The following SMOC1 variants were observed in gnomAD, a reference collection of about 807,000 sequenced individuals.
The protein encoded by SMOC1 is SPARC related modular calcium binding 1.
Under a neutral mutation model 56.3 loss-of-function variants are expected in SMOC1, and 22 were observed. That is an observed-to-expected ratio of 0.39 (90% CI 0.28 to 0.56). The LOEUF is 0.56. Ranked by LOEUF, SMOC1 falls within the 20% of genes least tolerant of loss-of-function variation. The pLI is 0.61. For missense variants in SMOC1, 509 were observed against 565.4 expected (o/e 0.90, Z 1.01); for synonymous variants, 193 against 215.0 (o/e 0.90, Z 0.89).
intron 7 of SMOC1, 116 bp from the exon 8 acceptor site, chr14:70,010,638 A>T (rs184024656): frequency 9.3e-7 from 1 of 1,075,350 alleles, no homozygotes; most frequent in East Asian, 2.4e-5. Context: ...GGGGCAGCTC[A>T]TCAGTTCCTG....
intron 5 of SMOC1, among the ~76,000 whole-genome samples, chr14:69,986,964 A>G (rs576357570): frequency 2.0e-5 from 3 of 152,318 alleles, no homozygotes; most frequent in East Asian, 3.9e-4. Context: ...GTCATGGCGC[A>G]TGCATCTCAG....
At chr14:69,929,631 G>T (rs1015782170) in intron 1 of SMOC1, among the ~76,000 whole-genome samples, 6 of 152,150 alleles carry the variant, frequency 3.9e-5, no homozygotes, top group Non-Finnish European at 7.3e-5. Flanking sequence ...GAAGCCTGGG[G>T]CTCAGGGAAG....
At chr14:69,975,873 C>T (rs955540481) in intron 4 of SMOC1, 59 bp downstream of exon 4, 2 of 1,224,928 alleles carry the variant, frequency 1.6e-6, no homozygotes, top group African/African-American at 3.0e-5. Flanking sequence ...GTTGGTTGGT[C>T]TCCTGCATCT....
chr14:69,966,073 G>T (rs1366258631), intron 3 of SMOC1, among the ~76,000 whole-genome samples: 1 of 152,140 alleles, frequency 6.6e-6, no homozygotes, highest in Non-Finnish European at 1.5e-5. Context: ...CACTCCTGCA[G>T]GCCACTTTTG....
chr14:69,890,321 A>C (rs1883926348), intron 1 of SMOC1, among the ~76,000 whole-genome samples: 1 of 152,214 alleles, frequency 6.6e-6, no homozygotes, highest in South Asian at 2.1e-4. Flanking sequence ...GATATATTGG[A>C]TAGTAAAAAG....
Position 69,952,218 on chromosome 14 carries a change from C to A in SMOC1, c.180C>A (p.Gly60=), listed in dbSNP as rs1284147357. The change falls in exon 2 of 12, where the codon GGC becomes GGA. Residue 60 remains glycine (G), a synonymous_variant. Coordinates refer to ENST00000361956, the MANE Select transcript of SMOC1 (RefSeq NM_001034852.3). ...CCAAACCCATCTGTGCCTCTGATGGCAGGTCCTACGAGTCCATGTGTGAGT... is the reference window on the plus strand; with the variant it reads ...CCAAACCCATCTGTGCCTCTGATGGAAGGTCCTACGAGTCCATGTGTGAGT... ...TQPKPICASD[G]RSYESMCEYQ... is the part of the protein sequence containing the mutation. 1 of 1,614,046 alleles carries A rather than the reference C, an allele frequency of 6.2e-7. No homozygotes were observed.
intron 5 of SMOC1, among the ~76,000 whole-genome samples, chr14:69,980,560 C>A (rs2139514465): frequency 6.6e-6 from 1 of 152,326 alleles, no homozygotes; most frequent in South Asian, 2.1e-4. Flanking sequence ...TGAAGCCACA[C>A]CTGTCCAGGA....
chr14:69,891,821 T>G (rs1883970394), intron 1 of SMOC1, among the ~76,000 whole-genome samples: 1 of 152,196 alleles, frequency 6.6e-6, no homozygotes. Flanking sequence ...AATTGGAATT[T>G]CAGATAAACG....
At chr14:69,900,693 A>C (rs532670560) in intron 1 of SMOC1, among the ~76,000 whole-genome samples, 1 of 152,302 alleles carries the variant, frequency 6.6e-6, no homozygotes, top group East Asian at 1.9e-4. Context: ...GTGTCAAGAA[A>C]ACAAACATGT....
intron 5 of SMOC1, among the ~76,000 whole-genome samples, chr14:69,980,405 C>T (rs905254233): frequency 1.3e-5 from 2 of 152,162 alleles, no homozygotes; most frequent in African/African-American, 4.8e-5. Context: ...AGGACTCATT[C>T]TCCCCTGGAG....
chr14:69,887,526 A>T (rs1258958849), intron 1 of SMOC1, among the ~76,000 whole-genome samples: 1 of 152,204 alleles, frequency 6.6e-6, no homozygotes, highest in Non-Finnish European at 1.5e-5. Flanking sequence ...TGAGCCAAAG[A>T]TTAAAATTAA....
chr14:70,023,890 C>T (rs1397008387), intron 11 of SMOC1, among the ~76,000 whole-genome samples: 4 of 151,762 alleles, frequency 2.6e-5, no homozygotes, highest in Non-Finnish European at 5.9e-5. Context: ...TTGCTCTATG[C>T]AGTCACTCTG....
chr14:69,885,223 T>G, intron 1 of SMOC1: 1 of 656,964 alleles, frequency 1.5e-6, no homozygotes, highest in Non-Finnish European at 2.5e-6. Context: ...CTACAGAGCA[T>G]TCTTTTTGCT....
intron 5 of SMOC1, among the ~76,000 whole-genome samples, chr14:69,981,482 C>T (rs1884174588): frequency 6.6e-6 from 1 of 152,162 alleles, no homozygotes; most frequent in African/African-American, 2.4e-5. Context: ...GCCCCCTCCC[C>T]TTCTTCTCCT....
At chr14:69,937,106 T>C (rs1044976816) in intron 1 of SMOC1, among the ~76,000 whole-genome samples, 9 of 152,206 alleles carry the variant, frequency 5.9e-5, no homozygotes, top group Admixed American at 4.6e-4. Context: ...CAGAAAAGCC[T>C]GTGGAGTTCC....
chr14:70,020,359 T>G (rs182548013), intron 10 of SMOC1, among the ~76,000 whole-genome samples: 1 of 152,116 alleles, frequency 6.6e-6, no homozygotes, highest in Non-Finnish European at 1.5e-5. Flanking sequence ...CTGGCCAAAG[T>G]GTTGGATTCC....
intron 1 of SMOC1, among the ~76,000 whole-genome samples, chr14:69,906,330 A>G (rs1337921296): frequency 1.3e-5 from 2 of 152,216 alleles, no homozygotes; most frequent in Non-Finnish European, 2.9e-5. Context: ...CTGAGCCACT[A>G]TGTAAGAATC....
chr14:69,989,738 C>T (rs1884495690), intron 5 of SMOC1, among the ~76,000 whole-genome samples: 1 of 152,200 alleles, frequency 6.6e-6, no homozygotes, highest in African/African-American at 2.4e-5. Context: ...GTTCTCTCCC[C>T]AGTGCCCAGT....
chr14:69,943,929 G>T (rs1882680123), intron 1 of SMOC1, among the ~76,000 whole-genome samples: 1 of 152,236 alleles, frequency 6.6e-6, no homozygotes, highest in South Asian at 2.1e-4. Context: ...CATAGTGTCT[G>T]ATATCCCTAC....
Sources: gnomAD v4.1 joint callset for allele counts (sites outside exome capture counted in the v4.1 genomes callset) on GRCh38, gnomAD v4.1.1 for gene constraint, MANE v1.5 for transcripts, NCBI Gene and HGNC (gene_info 2026-07-23, HGNC 2026-07-21) for gene names.